RPS6KC1: variants seen among roughly 807,000 people sequenced by gnomAD.
RPS6KC1 encodes the protein inactive ribosomal protein S6 kinase delta-1.
A neutral mutation model predicts 103.8 loss-of-function variants in RPS6KC1; 54 were observed. That is an observed-to-expected ratio of 0.52 (90% CI 0.42 to 0.65). RPS6KC1 has a LOEUF of 0.65. RPS6KC1 is among the 30% of genes least tolerant of loss of function. The probability of loss-of-function intolerance (pLI) is 0.00; values close to 1 mark genes in which losing one functional copy is unlikely to be tolerated. For missense variants in RPS6KC1, 1,151 were observed against 1,253.8 expected, an observed-to-expected ratio of 0.92 and a Z score of 1.24; for synonymous variants, 439 against 438.7, an observed-to-expected ratio of 1.00 and a Z score of -0.01.
intron 1 of RPS6KC1, among the ~76,000 whole-genome samples, chr1:213,056,458 C>T (rs768611353): frequency 6.6e-6 from 1 of 152,118 alleles, no homozygotes; most frequent in African/African-American, 2.4e-5. Flanking sequence ...TATGGGGACA[C>T]CTATGTGTCC....
chr1:213,796,274 G>T, the RPS6KC1 span, among the ~76,000 whole-genome samples: 1 of 152,100 alleles, frequency 6.6e-6, no homozygotes, highest in African/African-American at 2.4e-5. Context: ...ACGGTGACTC[G>T]CTAACTTTCC....
At chr1:213,150,886 G>T (rs1242086638) in intron 6 of RPS6KC1, among the ~76,000 whole-genome samples, 12 of 152,086 alleles carry the variant, frequency 7.9e-5, no homozygotes, top group Non-Finnish European at 1.2e-4. Flanking sequence ...CCCAGTAGGG[G>T]TGGCCGGGCA....
chr1:213,278,015 G>A (rs1006001965), downstream of RPS6KC1, among the ~76,000 whole-genome samples: 3 of 152,010 alleles, frequency 2.0e-5, no homozygotes, highest in African/African-American at 4.8e-5. Context: ...GCCAGCCTGG[G>A]CAACATGAAG....
chr1:213,517,868 C>G, the RPS6KC1 span, among the ~76,000 whole-genome samples: 3 of 152,156 alleles, frequency 2.0e-5, no homozygotes, highest in South Asian at 4.1e-4. Flanking sequence ...GAGTCTAAGT[C>G]TCTTCGTAGG....
At chr1:213,578,538 T>C in the RPS6KC1 span, among the ~76,000 whole-genome samples, 70,976 of 152,146 alleles carry the variant, frequency 0.47, 20,196 homozygotes, top group Non-Finnish European at 0.61. Flanking sequence ...TGAAAAGCCA[T>C]AGGGGCAGAG....
chr1:213,282,584 A>C, the RPS6KC1 span, among the ~76,000 whole-genome samples: 1 of 152,202 alleles, frequency 6.6e-6, no homozygotes, highest in African/African-American at 2.4e-5. Flanking sequence ...CTGATGGTTG[A>C]CTTTTGGAGT....
At chr1:213,212,339 T>G (rs1259595261) in intron 8 of RPS6KC1, among the ~76,000 whole-genome samples, 1 of 152,202 alleles carries the variant, frequency 6.6e-6, no homozygotes, top group African/African-American at 2.4e-5. Flanking sequence ...GGAATCAGTA[T>G]GTAGCCTTTT....
chr1:213,307,059 G>GGTTT, the RPS6KC1 span, among the ~76,000 whole-genome samples: 1 of 146,660 alleles, frequency 6.8e-6, no homozygotes, highest in African/African-American at 2.6e-5. Context: ...GAAGGATGCA[G>GGTTT]GTTTTTTTTT....
At chr1:213,343,509 A>T in the RPS6KC1 span, among the ~76,000 whole-genome samples, 2 of 148,162 alleles carry the variant, frequency 1.3e-5, no homozygotes, top group Admixed American at 6.8e-5. Flanking sequence ...ACCTGGATGG[A>T]ATTGGAGACT....
At chr1:213,082,202 C>T (rs1370068321) in intron 3 of RPS6KC1, among the ~76,000 whole-genome samples, 2 of 151,626 alleles carry the variant, frequency 1.3e-5, no homozygotes, top group East Asian at 1.9e-4. Context: ...GGGCAGATCA[C>T]GAGGTCAGGA....
chr1:213,058,438 TTTTTTTG>T (rs1282363294), intron 1 of RPS6KC1, among the ~76,000 whole-genome samples: 1 of 152,000 alleles, frequency 6.6e-6, no homozygotes, highest in African/African-American at 2.4e-5. Flanking sequence ...TTGAGGTTTT[TTTTTTTG>T]TTTTTTGTTT....
chr1:213,157,801 C>G (rs192663495), intron 6 of RPS6KC1, among the ~76,000 whole-genome samples: 64 of 152,206 alleles, frequency 4.2e-4, no homozygotes, highest in African/African-American at 1.4e-3. Context: ...GTTGAATTGT[C>G]TGTTTCCTTA....
At chr1:213,564,528 G>A in the RPS6KC1 span, among the ~76,000 whole-genome samples, 1 of 152,144 alleles carries the variant, frequency 6.6e-6, no homozygotes, top group African/African-American at 2.4e-5. Context: ...TTCATTTGTG[G>A]TGTCCTTCAG....
At chr1:213,326,797 C>G in the RPS6KC1 span, among the ~76,000 whole-genome samples, 1 of 151,036 alleles carries the variant, frequency 6.6e-6, no homozygotes. Flanking sequence ...TTAGGCCACT[C>G]TTGGAATGGG....
At chr1:213,286,338 G>A in the RPS6KC1 span, among the ~76,000 whole-genome samples, 181 of 152,298 alleles carry the variant, frequency 1.2e-3, 1 homozygote, top group African/African-American at 4.2e-3. Flanking sequence ...AATAACTGTG[G>A]TGCAGGAAGT....
the RPS6KC1 span, among the ~76,000 whole-genome samples, chr1:213,581,741 G>GGCC: frequency 1.8e-3 from 269 of 152,204 alleles, 2 homozygotes; most frequent in African/African-American, 6.4e-3. Flanking sequence ...CCTCATAAGA[G>GGCC]GCCTTTCTTC....
In RPS6KC1 at chr1:213,225,466, T is replaced by C. The variant is rs529437593; in HGVS notation, c.1045-5031T>C. 6.9e-4 allele frequency among the ~76,000 whole-genome samples: 105 copies of C among 152,226 alleles called. 1 individual carries two copies. Among genetic ancestry groups the C allele is most frequent in the Admixed American group, 2.7e-3 (41 of 15,288 alleles). ...GTGGAGTGGCGCGATCTCAATTCAC[T>C]GCAACCTCCGCCTCCTGATTCAAGT... is the stretch of plus-strand genomic sequence containing the variant. On this transcript the variant is annotated intron_variant, in intron 8 of 14. Coordinates refer to ENST00000366960, the MANE Select transcript of RPS6KC1 (RefSeq NM_012424.6).
Position 213,137,777 on chromosome 1 carries a change from C to CTCTCTCTA in RPS6KC1, c.835+7889_835+7890insCTCTCTAT, listed in dbSNP as rs1387641875. ...GCTCTCTCTCTCTCTCTCTCTCTCT[C>CTCTCTCTA]TATATATATATATATATATATATTT... On this transcript the variant is annotated intron_variant, in intron 6 of 14. Coordinates refer to ENST00000366960, the MANE Select transcript of RPS6KC1 (RefSeq NM_012424.6). Among the ~76,000 whole-genome samples, 68 of 63,582 alleles carry CTCTCTCTA rather than the reference C, an allele frequency of 1.1e-3. 1 individual carries two copies. The highest frequency in any genetic ancestry group is 2.0e-3 in the African/African-American group (19 of 9,404). The allele number at this position is 63,582 out of a possible 152,430, so 41.7% of individuals were successfully genotyped here. A position where few individuals can be genotyped will look rare whatever the true frequency, so the allele number is the denominator to read the frequency against.
chr1:213,608,914 T>C, the RPS6KC1 span, among the ~76,000 whole-genome samples: 1 of 152,246 alleles, frequency 6.6e-6, no homozygotes, highest in Non-Finnish European at 1.5e-5. Flanking sequence ...ATTTCTTGGT[T>C]GTTTAGCATT....
Sources: gnomAD v4.1 joint callset for allele counts (sites outside exome capture counted in the v4.1 genomes callset) on GRCh38, gnomAD v4.1.1 for gene constraint, MANE v1.5 for transcripts, NCBI Gene and HGNC (gene_info 2026-07-23, HGNC 2026-07-21) for gene names.